SUGT1: variants seen among roughly 807,000 people sequenced by gnomAD.
SUGT1 encodes the protein protein SGT1 homolog.
A neutral mutation model predicts 56.1 loss-of-function variants in SUGT1; 15 were observed. That is an observed-to-expected ratio of 0.27 (90% CI 0.18 to 0.41). SUGT1 has a LOEUF of 0.41. Ranked by LOEUF, SUGT1 falls within the 10% of genes least tolerant of loss-of-function variation. The pLI, the probability that SUGT1 is intolerant of heterozygous loss-of-function variation, is 1.00. For synonymous variants in SUGT1, 123 were observed against 128.6 expected, an observed-to-expected ratio of 0.96 and a Z score of 0.30; for missense variants, 347 against 382.2, an observed-to-expected ratio of 0.91 and a Z score of 0.77.
At chr13:52,667,953 T>C (rs1001211950) in intron 10 of SUGT1, among the ~76,000 whole-genome samples, 7 of 151,776 alleles carry the variant, frequency 4.6e-5, no homozygotes, top group Admixed American at 3.3e-4. Context: ...ATGATGTAGG[T>C]AGGCTTTTTC....
Position 52,675,720 on chromosome 13 carries a change from T to C in SUGT1, c.628-510T>C, listed in dbSNP as rs1194089592. On this transcript the variant is annotated intron_variant, in intron 10 of 12. Transcript: ENST00000310528. ...TATACAGTGAAATAAGTTTCTCCAC[T>C]GTAAAACAGGTTAATGCACATGTAA... 7.9e-5 allele frequency among the ~76,000 whole-genome samples: 12 copies of C among 152,244 alleles called. 1 individual carries two copies. The highest frequency in any genetic ancestry group is 3.3e-4 in the Admixed American group (5 of 15,290).
chr13:52,654,380 T>C (rs1247901087), intron 2 of SUGT1, among the ~76,000 whole-genome samples: 1 of 152,244 alleles, frequency 6.6e-6, no homozygotes, highest in Non-Finnish European at 1.5e-5. Flanking sequence ...CCAGTTTATA[T>C]AAAAGTTGCT....
In SUGT1 at chr13:52,694,377, G is replaced by C. The variant is rs1055565030; in HGVS notation, c.*6542G>C. On this transcript the variant is annotated 3_prime_UTR_variant, in exon 13 of 13. Transcript: ENST00000310528. ...ATTGTTACTGTAATTTATAAAATTTGTACTTTGGAGAGCATAAGAATTCAT... is the reference window on the plus strand; with the variant it reads ...ATTGTTACTGTAATTTATAAAATTTCTACTTTGGAGAGCATAAGAATTCAT... 9 of 152,186 alleles carry C rather than the reference G, an allele frequency of 5.9e-5. No individual in the cohort carries two copies. Among genetic ancestry groups the C allele is most frequent in the African/African-American group, 1.9e-4 (8 of 41,442 alleles). 9.4% of individuals were successfully genotyped at this position (152,186 alleles called of 1,614,324 possible). A position where few individuals can be genotyped will look rare whatever the true frequency, so the allele number is the denominator to read the frequency against.
At chr13:52,671,046 T>C (rs1436840513) in intron 10 of SUGT1, among the ~76,000 whole-genome samples, 1 of 152,024 alleles carries the variant, frequency 6.6e-6, no homozygotes, top group Non-Finnish European at 1.5e-5. Flanking sequence ...TTGCTTAATG[T>C]TCATAGAAGA....
intron 6 of SUGT1, 115 bp downstream of exon 6, chr13:52,662,817 T>A (rs757078716): frequency 2.2e-4 from 239 of 1,082,310 alleles, no homozygotes; most frequent in Non-Finnish European, 3.0e-4. Flanking sequence ...ATAGTATACG[T>A]TTCCTTAGAT....
intron 7 of SUGT1, 108 bp from the exon 8 acceptor site, chr13:52,663,927 C>T: frequency 9.9e-7 from 1 of 1,011,144 alleles, no homozygotes; most frequent in Non-Finnish European, 1.5e-6. Flanking sequence ...ATCAAAATAA[C>T]TGCAGTGTTG....
chr13:52,655,231 T>C (rs1275073559), intron 2 of SUGT1, among the ~76,000 whole-genome samples: 2 of 152,140 alleles, frequency 1.3e-5, no homozygotes, highest in African/African-American at 2.4e-5. Context: ...CGTAATCAGC[T>C]ACCTGCGAGG....
At chr13:52,663,176 T>G (rs923506960) in intron 7 of SUGT1, 64 bp downstream of exon 7, 3 of 1,536,176 alleles carry the variant, frequency 2.0e-6, no homozygotes, top group Non-Finnish European at 2.7e-6. Flanking sequence ...CAAATATATT[T>G]GAGACAAGAC....
At chr13:52,658,311 A>G in intron 3 of SUGT1, 88 bp from the exon 4 acceptor site, 1 of 1,578,082 alleles carries the variant, frequency 6.3e-7, no homozygotes, top group Non-Finnish European at 8.6e-7. Flanking sequence ...CAACTTGAAA[A>G]CTTAGAAATC....
chr13:52,683,812 G>T (rs1963466775), intron 12 of SUGT1, among the ~76,000 whole-genome samples: 1 of 152,060 alleles, frequency 6.6e-6, no homozygotes, highest in South Asian at 2.1e-4. Flanking sequence ...GGTGACTTGT[G>T]GTTTGTTTCT....
chr13:52,686,247 A>G (rs1963585478), intron 12 of SUGT1, among the ~76,000 whole-genome samples: 1 of 152,092 alleles, frequency 6.6e-6, no homozygotes, highest in Admixed American at 6.6e-5. Flanking sequence ...TTTATTATAC[A>G]GACTTGTCAA....
chr13:52,666,949 A>T, intron 10 of SUGT1, 30 bp downstream of exon 10: 1 of 1,467,374 alleles, frequency 6.8e-7, no homozygotes, highest in Non-Finnish European at 9.5e-7. Flanking sequence ...TGTTACTAGT[A>T]ATATTTTCAA....
At chr13:52,682,343 T>C (rs2138169997) in intron 12 of SUGT1, among the ~76,000 whole-genome samples, 1 of 151,026 alleles carries the variant, frequency 6.6e-6, no homozygotes, top group South Asian at 2.1e-4. Flanking sequence ...GGACTACACA[T>C]CCATGCTGCC....
intron 9 of SUGT1, 46 bp downstream of exon 9, chr13:52,665,779 A>T (rs1278936631): frequency 5.5e-5 from 72 of 1,310,734 alleles, no homozygotes; most frequent in Non-Finnish European, 7.5e-5. Context: ...TATTATTTGC[A>T]AATTTAGTAT....
chr13:52,691,503 A>G lies in SUGT1; in HGVS notation c.*3668A>G, dbSNP rs1257764448. 2 of 152,208 alleles carry G rather than the reference A, an allele frequency of 1.3e-5. No individual in the cohort carries two copies. The highest frequency in any genetic ancestry group is 2.9e-5 in the Non-Finnish European group (2 of 68,036). The allele number at this position is 152,208 out of a possible 1,614,324, so 9.4% of individuals were successfully genotyped here. Reference sequence around the variant, plus strand: ...GAGCAAAATTGCATATTAGTTTACCATCTAATCAGCCTAATGCACTTAAAT... The same window carrying G: ...GAGCAAAATTGCATATTAGTTTACCGTCTAATCAGCCTAATGCACTTAAAT... On this transcript the variant is annotated 3_prime_UTR_variant, in exon 13 of 13. Transcript: ENST00000310528.
intron 5 of SUGT1, among the ~76,000 whole-genome samples, chr13:52,660,600 C>T (rs1313747134): frequency 6.6e-6 from 1 of 152,094 alleles, no homozygotes; most frequent in Non-Finnish European, 1.5e-5. Flanking sequence ...ATGGAAGCTA[C>T]AAATTAAAAA....
At chr13:52,665,498 G>C (rs1231737056) in intron 8 of SUGT1, 139 bp from the exon 9 acceptor site, 3 of 510,380 alleles carry the variant, frequency 5.9e-6, no homozygotes, top group Non-Finnish European at 9.6e-6. Context: ...ATATAAAGTT[G>C]TTTCTGTGAA....
rs1422892236 is a variant in SUGT1, at chr13:52,688,575, T to G, written c.*740T>G. ...TTTATCACGACAGGATTCTTGAAAT[T>G]ACAGCATTGGTGGGTTTTTTGGTAT... On this transcript the variant is annotated 3_prime_UTR_variant, in exon 13 of 13. Coordinates refer to ENST00000310528, the MANE Select transcript of SUGT1 (RefSeq NM_006704.5). 3 of 152,208 alleles carry G rather than the reference T, an allele frequency of 2.0e-5. No homozygotes were observed. The highest frequency in any genetic ancestry group is 7.2e-5 in the African/African-American group (3 of 41,448). 9.4% of individuals were successfully genotyped at this position (152,208 alleles called of 1,614,324 possible).
At chr13:52,677,163 A>G (rs1963178317) in intron 11 of SUGT1, among the ~76,000 whole-genome samples, 1 of 152,112 alleles carries the variant, frequency 6.6e-6, no homozygotes, top group African/African-American at 2.4e-5. Context: ...GAAAACACTG[A>G]GTTATTCAAC....
Sources: allele counts gnomAD v4.1 joint callset (sites outside exome capture counted in the v4.1 genomes callset), GRCh38; gene constraint gnomAD v4.1.1; transcripts MANE v1.5; gene names NCBI Gene and HGNC (gene_info 2026-07-23, HGNC 2026-07-21).